STK32B: variants seen among roughly 807,000 people sequenced by gnomAD.
The protein encoded by STK32B is serine/threonine kinase 32B.
STK32B carries 43 observed loss-of-function variants against 52.6 expected under a neutral mutation model. The observed-to-expected ratio is 0.82, with a 90% CI of 0.64 to 1.05. The LOEUF (loss-of-function observed/expected upper bound fraction) is 1.05, where lower values mean the gene tolerates loss of function less well. Ranked by LOEUF, STK32B falls within the 50% of genes least tolerant of loss-of-function variation. The pLI is 0.00. For synonymous variants in STK32B, 238 were observed against 204.3 expected, an observed-to-expected ratio of 1.17 and a Z score of -1.41; for missense variants, 621 against 534.6, an observed-to-expected ratio of 1.16 and a Z score of -1.59.
chr4:5,070,716 C>T (rs897700166), intron 1 of STK32B, among the ~76,000 whole-genome samples: 6 of 152,160 alleles, frequency 3.9e-5, no homozygotes, highest in African/African-American at 1.4e-4. Flanking sequence ...TTGGCGGTTC[C>T]ATTCTCTCAG....
At chr4:5,291,591 T>C (rs1018492978) in intron 3 of STK32B, among the ~76,000 whole-genome samples, 2 of 152,150 alleles carry the variant, frequency 1.3e-5, no homozygotes, top group African/African-American at 4.8e-5. Flanking sequence ...TCAAGTAATT[T>C]TTCATCAGAG....
intron 1 of STK32B, among the ~76,000 whole-genome samples, chr4:5,079,689 C>G (rs895544882): frequency 5.9e-5 from 9 of 152,138 alleles, no homozygotes; most frequent in Non-Finnish European, 7.3e-5. Context: ...CTCTTCCACC[C>G]CTCATTTCTC....
intron 3 of STK32B, among the ~76,000 whole-genome samples, chr4:5,261,736 GTTATTA>G (rs1315891674): frequency 2.6e-5 from 4 of 152,216 alleles, no homozygotes; most frequent in African/African-American, 9.6e-5. Flanking sequence ...AAAGGTAGTT[GTTATTA>G]TTATTGTTAT....
At chr4:5,379,301 C>T (rs1735778026) in intron 4 of STK32B, among the ~76,000 whole-genome samples, 2 of 152,094 alleles carry the variant, frequency 1.3e-5, no homozygotes, top group African/African-American at 2.4e-5. Flanking sequence ...CCCTTGTATC[C>T]AGCACATGGC....
chr4:5,354,351 C>T lies in STK32B; in HGVS notation c.434+22958C>T, dbSNP rs983012288. On this transcript the variant is annotated intron_variant, in intron 4 of 11. Transcript: ENST00000282908. Reference sequence around the variant, plus strand: ...CGCCATCTCAGCTCCCTGCAACCTCCACCTCCTGGGTTCAAGGGATTCTCC... The same window carrying T: ...CGCCATCTCAGCTCCCTGCAACCTCTACCTCCTGGGTTCAAGGGATTCTCC... 8.5e-5 allele frequency among the ~76,000 whole-genome samples: 13 copies of T among 152,296 alleles called. No homozygotes were observed. The East Asian group carries it at 2.5e-3, about 29-fold the overall frequency.
chr4:5,230,377 A>G (rs180675216), intron 3 of STK32B, among the ~76,000 whole-genome samples: 103 of 151,522 alleles, frequency 6.8e-4, no homozygotes, highest in Non-Finnish European at 1.2e-3. Flanking sequence ...TTTAGTAGAG[A>G]TGGGGTTTCA....
intron 3 of STK32B, among the ~76,000 whole-genome samples, chr4:5,289,791 C>T (rs1728776991): frequency 6.7e-6 from 1 of 149,418 alleles, no homozygotes; most frequent in African/African-American, 2.5e-5. Flanking sequence ...GATCCGCCTG[C>T]CTCGGCCCCC....
At chr4:5,361,206 A>G (rs573173682) in intron 4 of STK32B, among the ~76,000 whole-genome samples, 16 of 152,306 alleles carry the variant, frequency 1.1e-4, no homozygotes, top group Non-Finnish European at 2.2e-4. Context: ...CATTTTGTTT[A>G]TCCATTCGTT....
intron 1 of STK32B, among the ~76,000 whole-genome samples, chr4:5,094,616 C>A (rs1458079071): frequency 6.6e-6 from 1 of 152,152 alleles, no homozygotes; most frequent in Non-Finnish European, 1.5e-5. Context: ...GTTTGTGTCA[C>A]TGCACTCCAG....
At chr4:5,136,228 C>T (rs1463439829) in intron 1 of STK32B, among the ~76,000 whole-genome samples, 1 of 152,220 alleles carries the variant, frequency 6.6e-6, no homozygotes, top group Non-Finnish European at 1.5e-5. Flanking sequence ...GCAAATAATG[C>T]CGCCAATGTG....
At position 5,466,836 on chromosome 4, in the gene STK32B, T is replaced by C; in HGVS notation, c.1041+2T>C. ...GGCACAAAGGACAGCTGCCCGCTGG[T>C]GAGTGCTTCGTGGGAGCCGTTCCGG... On this transcript the variant is annotated splice_donor_variant, in intron 10 of 11. Transcript: ENST00000282908. LOFTEE classifies it high-confidence loss of function. 6.2e-7 allele frequency: 1 copy of C among 1,612,882 alleles called. No homozygotes were observed. The highest frequency in any genetic ancestry group is 2.2e-5 in the East Asian group (1 of 44,846).
At chr4:5,332,263 G>C (rs1732307231) in intron 4 of STK32B, among the ~76,000 whole-genome samples, 2 of 152,150 alleles carry the variant, frequency 1.3e-5, no homozygotes, top group South Asian at 4.1e-4. Context: ...GGGGACTACA[G>C]TCAAAACATG....
At chr4:5,168,487 C>G (rs3749567) in intron 3 of STK32B, 37 bp downstream of exon 3, 4 of 1,579,530 alleles carry the variant, frequency 2.5e-6, no homozygotes, top group Admixed American at 1.8e-5. Flanking sequence ...TGTGGGTTCC[C>G]CTGTGGGGAG....
At chr4:5,242,351 G>A (rs1300585270) in intron 3 of STK32B, among the ~76,000 whole-genome samples, 1 of 152,184 alleles carries the variant, frequency 6.6e-6, no homozygotes, top group African/African-American at 2.4e-5. Context: ...TTTTTCATGT[G>A]TTTTTTGGCT....
chr4:5,486,467 C>A (rs370198387), intron 11 of STK32B, among the ~76,000 whole-genome samples: 1 of 152,210 alleles, frequency 6.6e-6, no homozygotes, highest in Admixed American at 6.5e-5. Flanking sequence ...ACCTGATTTT[C>A]CAGGTGCCAT....
intron 1 of STK32B, among the ~76,000 whole-genome samples, chr4:5,107,010 C>T (rs1165773910): frequency 1.3e-5 from 2 of 152,194 alleles, no homozygotes; most frequent in South Asian, 2.1e-4. Context: ...CCCCAACCCC[C>T]AGGAACCCGG....
rs1717567426 is a variant in STK32B at position 5,467,921 on chromosome 4, C to T, written c.1042-85C>T. 2.0e-6 allele frequency: 3 copies of T among 1,473,094 alleles called. No homozygotes were observed. The allele number at this position is 1,473,094 out of a possible 1,614,324, so 91.3% of individuals were successfully genotyped here. A position where few individuals can be genotyped will look rare whatever the true frequency, so the allele number is the denominator to read the frequency against. On this transcript the variant is annotated intron_variant, in intron 10 of 11. Coordinates refer to ENST00000282908, the MANE Select transcript of STK32B (RefSeq NM_018401.3). The surrounding 1 kb of genome is among the most constrained non-coding windows in gnomAD (Gnocchi z 5.8). ...AAGCATCTGAGGTTTCCATCTAGGTCAGTCTGCCGTCCTGTGATGCTCCAT... is the reference window on the plus strand; with the variant it reads ...AAGCATCTGAGGTTTCCATCTAGGTTAGTCTGCCGTCCTGTGATGCTCCAT...
intron 1 of STK32B, among the ~76,000 whole-genome samples, chr4:5,100,863 C>CTCCT (rs1030732090): frequency 3.5e-5 from 5 of 141,136 alleles, no homozygotes; most frequent in Non-Finnish European, 4.6e-5. Context: ...TTTCTTTCCT[C>CTCCT]TCCTTCCTTC....
chr4:5,099,540 G>T (rs966662965), intron 1 of STK32B, among the ~76,000 whole-genome samples: 1 of 152,132 alleles, frequency 6.6e-6, no homozygotes, highest in Non-Finnish European at 1.5e-5. Context: ...CAGGAGTTAG[G>T]GGAAGGTCAT....
Sources: gnomAD v4.1 joint callset for allele counts (sites outside exome capture counted in the v4.1 genomes callset) on GRCh38, gnomAD v4.1.1 for gene constraint, Gnocchi (gnomAD v3.1) non-coding constraint, MANE v1.5 for transcripts, NCBI Gene and HGNC (gene_info 2026-07-23, HGNC 2026-07-21) for gene names.